The following IRF2 variants were observed in gnomAD, a reference collection of about 807,000 sequenced individuals.
IRF2 encodes interferon regulatory factor 2.
A neutral mutation model predicts 40.6 loss-of-function variants in IRF2; 15 were observed. The ratio of observed to expected loss-of-function variants is 0.37; its 90% confidence interval spans 0.25 to 0.57. The LOEUF (loss-of-function observed/expected upper bound fraction) is 0.57, where lower values mean the gene tolerates loss of function less well. Among genes scored for constraint, IRF2 ranks in the 20% least tolerant of loss-of-function variants. The pLI, the probability that IRF2 is intolerant of heterozygous loss-of-function variation, is 0.77. For synonymous variants in IRF2, 151 were observed against 165.5 expected, an observed-to-expected ratio of 0.91 and a Z score of 0.67; for missense variants, 317 against 455.7, an observed-to-expected ratio of 0.70 and a Z score of 2.77.
chr4:184,394,067 C>T (rs1004502709), intron 7 of IRF2, among the ~76,000 whole-genome samples: 2 of 152,148 alleles, frequency 1.3e-5, no homozygotes, highest in Admixed American at 6.5e-5. Context: ...TTACTTACTT[C>T]GAATACAATG....
intron 1 of IRF2, among the ~76,000 whole-genome samples, chr4:184,455,291 CCTT>C (rs1358949559): frequency 3.3e-5 from 3 of 90,854 alleles, no homozygotes; most frequent in Non-Finnish European, 4.4e-5. Context: ...CCCCTCCCTT[CCTT>C]CTTCTTCTTT....
At chr4:184,451,133 G>A (rs907134074) in intron 1 of IRF2, among the ~76,000 whole-genome samples, 11 of 152,176 alleles carry the variant, frequency 7.2e-5, no homozygotes, top group African/African-American at 2.7e-4. Flanking sequence ...ATGGTACTTG[G>A]GTAGAAATTC....
In IRF2 at chr4:184,469,251, C is replaced by T. The variant is rs369177318; in HGVS notation, c.-7+5128G>A. On this transcript the variant is annotated intron_variant, in intron 1 of 8. Transcript: ENST00000393593. ...ATGGTGAGTTTCTCTCACACGGAGC[C>T]GGCCAGCCTGTCCAACACACCACGG... Among the ~76,000 whole-genome samples the T allele has an allele frequency of 1.1e-3, 166 of 152,306 alleles. 1 individual carries two copies. The South Asian group carries it at 0.022, about 20-fold the overall frequency.
intron 1 of IRF2, among the ~76,000 whole-genome samples, chr4:184,459,212 A>C (rs1176854170): frequency 1.3e-5 from 2 of 152,220 alleles, no homozygotes; most frequent in Non-Finnish European, 1.5e-5. Flanking sequence ...CCGCGAGGAT[A>C]AATCCACTAC....
chr4:184,437,242 G>A (rs772252874), intron 1 of IRF2, among the ~76,000 whole-genome samples: 9 of 152,122 alleles, frequency 5.9e-5, no homozygotes, highest in South Asian at 2.1e-4. Context: ...ATTTTTAGTC[G>A]AGACGGGGTT....
At chr4:184,420,314 CCTTGATG>C (rs1367713552) in intron 2 of IRF2, among the ~76,000 whole-genome samples, 1 of 152,142 alleles carries the variant, frequency 6.6e-6, no homozygotes, top group Non-Finnish European at 1.5e-5. Context: ...TTTCCAAAAC[CCTTGATG>C]CTACTAAAGA....
intron 6 of IRF2, 104 bp from the exon 7 acceptor site, chr4:184,399,183 C>T: frequency 8.6e-7 from 1 of 1,161,826 alleles, no homozygotes; most frequent in Non-Finnish European, 1.2e-6. Context: ...CGCCAGGCTC[C>T]CATCACCATC....
At chr4:184,443,301 T>C (rs1163603236) in intron 1 of IRF2, among the ~76,000 whole-genome samples, 2 of 152,242 alleles carry the variant, frequency 1.3e-5, no homozygotes, top group African/African-American at 4.8e-5. Context: ...GGGCTCCTAA[T>C]GATCCTGCTG....
intron 5 of IRF2, among the ~76,000 whole-genome samples, chr4:184,414,381 G>A (rs1357527270): frequency 1.3e-5 from 2 of 152,170 alleles, no homozygotes; most frequent in Non-Finnish European, 2.9e-5. Flanking sequence ...CTGCTCTGTT[G>A]CCCAGGCTGG....
chr4:184,395,997 G>T (rs1161627407), intron 7 of IRF2, among the ~76,000 whole-genome samples: 1 of 152,162 alleles, frequency 6.6e-6, no homozygotes, highest in Non-Finnish European at 1.5e-5. Flanking sequence ...TTACTCAACA[G>T]ATAAACATAG....
chr4:184,428,885 T>G, intron 2 of IRF2, 93 bp downstream of exon 2: 3 of 1,006,706 alleles, frequency 3.0e-6, no homozygotes, highest in Non-Finnish European at 4.8e-6. Context: ...AAGCCTAAGA[T>G]TTTGAATACA....
At chr4:184,445,366 A>G (rs1240188235) in intron 1 of IRF2, among the ~76,000 whole-genome samples, 1 of 152,168 alleles carries the variant, frequency 6.6e-6, no homozygotes, top group Non-Finnish European at 1.5e-5. Flanking sequence ...GAAAATAAGA[A>G]CAATAGGCCA....
At chr4:184,441,374 G>A (rs1340232190) in intron 1 of IRF2, among the ~76,000 whole-genome samples, 1 of 152,304 alleles carries the variant, frequency 6.6e-6, no homozygotes, top group Non-Finnish European at 1.5e-5. Context: ...TGGAAACATC[G>A]TTTCCCGGCC....
At chr4:184,440,133 T>C (rs1046135009) in intron 1 of IRF2, among the ~76,000 whole-genome samples, 10 of 152,182 alleles carry the variant, frequency 6.6e-5, no homozygotes, top group African/African-American at 2.4e-4. Context: ...TTTCTTGACT[T>C]TCCCTGGCTC....
chr4:184,468,752 G>T (rs991625002), intron 1 of IRF2, among the ~76,000 whole-genome samples: 34 of 152,202 alleles, frequency 2.2e-4, no homozygotes, highest in African/African-American at 8.2e-4. Context: ...GGGATCCAAT[G>T]GTGAATAAGA....
chr4:184,428,167 G>GAAAATGTCCA (rs1737738683), intron 2 of IRF2, among the ~76,000 whole-genome samples: 1 of 152,218 alleles, frequency 6.6e-6, no homozygotes, highest in African/African-American at 2.4e-5. Context: ...ATGACTGGCT[G>GAAAATGTCCA]CTTTCTTAGG....
Position 184,428,967 on chromosome 4 carries a change from G to C in IRF2, c.87+11C>G. The C allele has an allele frequency of 6.2e-7, 1 of 1,611,326 alleles. No homozygotes were observed. The highest frequency in any genetic ancestry group is 8.5e-7 in the Non-Finnish European group (1 of 1,177,436). On this transcript the variant is annotated intron_variant, in intron 2 of 8. Coordinates refer to ENST00000393593, the MANE Select transcript of IRF2 (RefSeq NM_002199.4). ...CCTCTCTCACACATACACCCACCCT[G>C]ACCCACTCACCTTGTTAAGCCACTT...
Position 184,408,181 on chromosome 4 carries a change from A to T in IRF2, c.506T>A (p.Val169Glu). 1 of 1,605,778 alleles carries T rather than the reference A, an allele frequency of 6.2e-7. No homozygotes were observed. Among genetic ancestry groups the T allele is most frequent in the Non-Finnish European group, 8.5e-7 (1 of 1,172,334 alleles). Reference protein sequence around the residue: ...AVLTSTIKNEVDSTVNIIVVG... With the variant: ...AVLTSTIKNEEDSTVNIIVVG... ...ACCTATGATGTTCACCGTACTATCC[A>T]CTTCATTTTTTATAGTTGAAGTCAG... is the stretch of plus-strand genomic sequence containing the variant. Residue 169 changes from valine to glutamate, a missense_variant, in exon 6 of 9, where the codon GTG becomes GAG. Val to Glu is a moderately radical substitution (Grantham distance 121). Around this residue, in one of 2 missense-constraint regions of IRF2, gnomAD observed 262 missense variants for 334.0 expected, o/e 0.78. Transcript: ENST00000393593. The surrounding 1 kb of genome is among the most constrained non-coding windows in gnomAD (Gnocchi z 4.9).
chr4:184,388,661 T>C lies in IRF2; in HGVS notation c.*97A>G. On this transcript the variant is annotated 3_prime_UTR_variant, in exon 9 of 9. Coordinates refer to ENST00000393593, the MANE Select transcript of IRF2 (RefSeq NM_002199.4). The surrounding 1 kb of genome is among the most constrained non-coding windows in gnomAD (Gnocchi z 4.6). ...ATTGTCAAGGCTTTTTCCCTTAGAT[T>C]TGTCTAAAATAGGTGTCAGAGAGAA... 2.4e-6 allele frequency: 3 copies of C among 1,239,432 alleles called. No homozygotes were observed. In the South Asian group the frequency reaches 4.3e-5, roughly 18 times the overall value. The allele number at this position is 1,239,432 out of a possible 1,614,324, so 76.8% of individuals were successfully genotyped here. A position where few individuals can be genotyped will look rare whatever the true frequency, so the allele number is the denominator to read the frequency against.
Sources: gnomAD v4.1 joint callset for allele counts (sites outside exome capture counted in the v4.1 genomes callset) on GRCh38, gnomAD v4.1.1 for gene constraint, gnomAD v4.1.1 regional missense constraint, Gnocchi (gnomAD v3.1) non-coding constraint, MANE v1.5 for transcripts, NCBI Gene and HGNC (gene_info 2026-07-23, HGNC 2026-07-21) for gene names.